MAGI2: variants seen among roughly 807,000 people sequenced by gnomAD.
The protein encoded by MAGI2 is membrane associated guanylate kinase, WW and PDZ domain containing 2, also known as membrane-associated guanylate kinase, WW and PDZ domain-containing protein 2.
Under a neutral mutation model 133.3 loss-of-function variants are expected in MAGI2, and 35 were observed. The observed-to-expected ratio is 0.26, with a 90% CI of 0.20 to 0.35. The LOEUF is 0.35. MAGI2 is among the 10% of genes least tolerant of loss of function. MAGI2 has a pLI of 1.00. For missense variants in MAGI2, 1,636 were observed against 1,863.4 expected (o/e 0.88, Z 2.25); for synonymous variants, 729 against 710.6 (o/e 1.03, Z -0.41).
At chr7:79,002,856 G>A (rs1169572555) in intron 2 of MAGI2, among the ~76,000 whole-genome samples, 3 of 127,730 alleles carry the variant, frequency 2.3e-5, no homozygotes, top group African/African-American at 8.9e-5. Flanking sequence ...GGCTTTTATT[G>A]AAAAGTGTGT....
intron 9 of MAGI2, among the ~76,000 whole-genome samples, chr7:78,263,507 C>T (rs1793711992): frequency 6.6e-6 from 1 of 152,132 alleles, no homozygotes; most frequent in African/African-American, 2.4e-5. Context: ...AGAAGCCCAA[C>T]ATATGGCATG....
intron 16 of MAGI2, among the ~76,000 whole-genome samples, chr7:78,152,976 C>T (rs1824033913): frequency 6.6e-6 from 1 of 152,214 alleles, no homozygotes; most frequent in African/African-American, 2.4e-5. Context: ...CTTGTTTGTG[C>T]AAACCAGTGA....
rs1464163355 is a variant in MAGI2, at chr7:79,231,492, T to C, written c.301+221528A>G. Among the ~76,000 whole-genome samples the C allele has an allele frequency of 2.5e-5, 2 of 78,828 alleles. 1 individual carries two copies. Among genetic ancestry groups the C allele is most frequent in the African/African-American group, 7.3e-5 (2 of 27,504 alleles). The allele number at this position is 78,828 out of a possible 152,430, so 51.7% of individuals were successfully genotyped here. On this transcript the variant is annotated intron_variant, in intron 1 of 21. Transcript: ENST00000354212. ...CTTGAGCAGTGGTTTGTAGTTCTCCTTGAAGAGGTCCTTCACATCCCTTGT... is the reference window on the plus strand; with the variant it reads ...CTTGAGCAGTGGTTTGTAGTTCTCCCTGAAGAGGTCCTTCACATCCCTTGT...
Position 78,019,154 on chromosome 7 carries a change from C to T in MAGI2, c.*161G>A. On this transcript the variant is annotated 3_prime_UTR_variant, in exon 22 of 22. Transcript: ENST00000354212. ...GGTCTGCGCGTTGATGCGATGCCGC[C>T]CAAGCACACCGGACACGTGGGACTT... 2 of 828,206 alleles carry T rather than the reference C, an allele frequency of 2.4e-6. No individual in the cohort carries two copies. The highest frequency in any genetic ancestry group is 6.4e-5 in the East Asian group (2 of 31,196). The allele number at this position is 828,206 out of a possible 1,614,324, so 51.3% of individuals were successfully genotyped here.
At chr7:78,439,804 T>A (rs1302534403) in intron 6 of MAGI2, among the ~76,000 whole-genome samples, 1 of 152,166 alleles carries the variant, frequency 6.6e-6, no homozygotes, top group Admixed American at 6.6e-5. Context: ...CTTTTCTTTC[T>A]AAGCACCTTC....
chr7:78,369,141 C>T lies in MAGI2; in HGVS notation c.1103+15G>A. 1.3e-6 allele frequency: 2 copies of T among 1,569,806 alleles called. No homozygotes were observed. On this transcript the variant is annotated intron_variant, in intron 7 of 21. Transcript: ENST00000354212. ...ACATATTAATAACAAGTTAATATCA[C>T]ACTTAGAGACTTACTCAACATAATA...
intron 6 of MAGI2, among the ~76,000 whole-genome samples, chr7:78,436,842 G>A (rs974655186): frequency 2.0e-5 from 3 of 152,136 alleles, no homozygotes; most frequent in African/African-American, 7.2e-5. Flanking sequence ...TCAAAGCCCA[G>A]ATCCAAATAG....
intron 1 of MAGI2, among the ~76,000 whole-genome samples, chr7:79,136,416 G>A: frequency 6.6e-6 from 1 of 152,194 alleles, no homozygotes; most frequent in East Asian, 1.9e-4. Flanking sequence ...AGAAAGACAT[G>A]CAAATCTGCA....
intron 6 of MAGI2, among the ~76,000 whole-genome samples, chr7:78,478,829 T>C (rs911657980): frequency 6.6e-6 from 1 of 151,942 alleles, no homozygotes; most frequent in Non-Finnish European, 1.5e-5. Context: ...CAGCCTGGAA[T>C]GGACAACAGG....
chr7:78,482,048 CT>C (rs1324332065), intron 6 of MAGI2, among the ~76,000 whole-genome samples: 1 of 151,860 alleles, frequency 6.6e-6, no homozygotes, highest in Non-Finnish European at 1.5e-5. Context: ...ACATAAGGAA[CT>C]TTCAAAACTG....
At chr7:78,084,774 G>C (rs1453382753) in intron 20 of MAGI2, among the ~76,000 whole-genome samples, 1 of 152,244 alleles carries the variant, frequency 6.6e-6, no homozygotes, top group African/African-American at 2.4e-5. Flanking sequence ...TGGGTGCTCT[G>C]ACGCTGGGAT....
intron 2 of MAGI2, among the ~76,000 whole-genome samples, chr7:78,953,451 G>A (rs1299320556): frequency 6.6e-6 from 1 of 151,960 alleles, no homozygotes; most frequent in Non-Finnish European, 1.5e-5. Context: ...CTCTGTGTAT[G>A]AAATAGAGTT....
intron 11 of MAGI2, among the ~76,000 whole-genome samples, chr7:78,199,689 T>C (rs1829058135): frequency 6.6e-6 from 1 of 152,206 alleles, no homozygotes; most frequent in African/African-American, 2.4e-5. Flanking sequence ...TCTACAGCCT[T>C]CTACCTTCCT....
chr7:78,178,833 T>C (rs1384157180), intron 13 of MAGI2, among the ~76,000 whole-genome samples: 1 of 152,168 alleles, frequency 6.6e-6, no homozygotes, highest in African/African-American at 2.4e-5. Context: ...ACTTTTGACT[T>C]CATGAGAGTA....
intron 9 of MAGI2, among the ~76,000 whole-genome samples, chr7:78,266,957 G>A (rs989091129): frequency 6.6e-6 from 1 of 152,138 alleles, no homozygotes; most frequent in African/African-American, 2.4e-5. Flanking sequence ...GGTACTGTTT[G>A]CTGCATTGTG....
chr7:78,528,034 T>C (rs993281876), intron 3 of MAGI2, among the ~76,000 whole-genome samples: 3 of 152,124 alleles, frequency 2.0e-5, no homozygotes, highest in Non-Finnish European at 4.4e-5. Context: ...TTTTGGATAG[T>C]GGTTCAGCAG....
At chr7:78,856,703 T>C (rs1248744414) in intron 2 of MAGI2, among the ~76,000 whole-genome samples, 1 of 152,188 alleles carries the variant, frequency 6.6e-6, no homozygotes, top group African/African-American at 2.4e-5. Context: ...CCAGCTTTTT[T>C]CTTTTGGCTT....
chr7:79,046,601 A>G (rs1247526263), intron 1 of MAGI2, among the ~76,000 whole-genome samples: 2 of 152,256 alleles, frequency 1.3e-5, no homozygotes, highest in Non-Finnish European at 2.9e-5. Context: ...ATTGTAGCCA[A>G]GGAAGCTAAA....
rs1174873695 is a variant in MAGI2 at position 78,613,161 on chromosome 7, AG to A, written c.538+13958del. Among the ~76,000 whole-genome samples the A allele has an allele frequency of 1.3e-4, 20 of 152,342 alleles. No homozygotes were observed. The East Asian group carries it at 3.9e-3, about 29-fold the overall frequency. On this transcript the variant is annotated intron_variant, in intron 3 of 21. Transcript: ENST00000354212. ...TTACTGAAAAACATGTAAAGTGTGAAGAATCAGGGTACATTATATCAGTTTC... is the reference window on the plus strand; with the variant it reads ...TTACTGAAAAACATGTAAAGTGTGAAAATCAGGGTACATTATATCAGTTTC...
Sources: gnomAD v4.1 joint callset for allele counts (sites outside exome capture counted in the v4.1 genomes callset) on GRCh38, gnomAD v4.1.1 for gene constraint, MANE v1.5 for transcripts, NCBI Gene and HGNC (gene_info 2026-07-23, HGNC 2026-07-21) for gene names.